Variants in CDK14 observed in about 807,000 individuals in gnomAD.
CDK14 encodes the protein cyclin dependent kinase 14, also known as cyclin-dependent kinase 14.
Under a neutral mutation model 60.7 loss-of-function variants are expected in CDK14, and 34 were observed. The ratio of observed to expected loss-of-function variants is 0.56; its 90% CI spans 0.43 to 0.75. CDK14 has a LOEUF of 0.75. CDK14 is among the 30% of genes least tolerant of loss of function. The pLI, the probability that CDK14 is intolerant of heterozygous loss-of-function variation, is 0.00. For synonymous variants in CDK14, 197 were observed against 203.7 expected, an observed-to-expected ratio of 0.97 and a Z score of 0.28; for missense variants, 482 against 564.1, an observed-to-expected ratio of 0.85 and a Z score of 1.47.
At chr7:90,781,823 T>C (rs1453706345) in intron 4 of CDK14, among the ~76,000 whole-genome samples, 1 of 152,174 alleles carries the variant, frequency 6.6e-6, no homozygotes, top group Non-Finnish European at 1.5e-5. Flanking sequence ...ACTGTAGCCT[T>C]GTAGTGTAGT....
chr7:90,815,294 C>T (rs1259869985), intron 5 of CDK14, among the ~76,000 whole-genome samples: 2 of 151,962 alleles, frequency 1.3e-5, no homozygotes, highest in African/African-American at 4.8e-5. Context: ...TGAAAATGGC[C>T]ATATCAACAA....
In CDK14 at chr7:90,622,605, A is replaced by T. The variant is rs564509603; in HGVS notation, c.123+18356A>T. 1.4e-3 allele frequency among the ~76,000 whole-genome samples: 220 copies of T among 152,322 alleles called. 3 individuals are homozygous for T. The South Asian group carries it at 0.027, about 19-fold the overall frequency. ...AGCATTTGAGATTGCACATTAGTGC[A>T]TTGGATTTTTATCTGGGGTGGTCCC... On this transcript the variant is annotated intron_variant, in intron 2 of 14. Coordinates refer to ENST00000380050, the MANE Select transcript of CDK14 (RefSeq NM_001287135.2).
intron 8 of CDK14, among the ~76,000 whole-genome samples, chr7:90,919,525 A>G (rs1253945362): frequency 2.6e-5 from 4 of 152,214 alleles, no homozygotes; most frequent in Admixed American, 6.5e-5. Context: ...TACAAAGTAT[A>G]AACAACTCAG....
chr7:90,981,128 G>T (rs1292133814), intron 9 of CDK14, among the ~76,000 whole-genome samples: 2 of 152,120 alleles, frequency 1.3e-5, no homozygotes, highest in Admixed American at 6.6e-5. Flanking sequence ...AAGATCCAAG[G>T]TATTTTATTG....
chr7:90,621,651 T>TC (rs1799769741), intron 2 of CDK14, among the ~76,000 whole-genome samples: 1 of 139,658 alleles, frequency 7.2e-6, no homozygotes, highest in Non-Finnish European at 1.6e-5. Context: ...CTTCCTTCCT[T>TC]CCTTCCTTCC....
chr7:90,636,983 C>G (rs1800168602), intron 2 of CDK14, among the ~76,000 whole-genome samples: 1 of 151,070 alleles, frequency 6.6e-6, no homozygotes, highest in East Asian at 2.0e-4. Flanking sequence ...TGGTGATATC[C>G]CCTTTATCAT....
chr7:90,606,878 C>T (rs183741520), intron 2 of CDK14, among the ~76,000 whole-genome samples: 4 of 152,320 alleles, frequency 2.6e-5, no homozygotes, highest in Admixed American at 6.5e-5. Flanking sequence ...TAACTTACCC[C>T]GGCCATGACA....
In CDK14 at chr7:90,757,242, G is replaced by GTA. The variant is rs1224213919; in HGVS notation, c.464+9468_464+9469insAT. Among the ~76,000 whole-genome samples the GTA allele has an allele frequency of 5.9e-5, 8 of 136,170 alleles. 1 individual carries two copies. Among genetic ancestry groups the GTA allele is most frequent in the Admixed American group, 1.7e-4 (2 of 11,982 alleles). 89.3% of individuals were successfully genotyped at this position (136,170 alleles called of 152,430 possible). A position where few individuals can be genotyped will look rare whatever the true frequency, so the allele number is the denominator to read the frequency against. On this transcript the variant is annotated intron_variant, in intron 4 of 14. Coordinates refer to ENST00000380050, the MANE Select transcript of CDK14 (RefSeq NM_001287135.2). The stretch of plus-strand genomic sequence containing the variant: ...TGTGTGTGTGTGTGTGTGTGTGTGT[G>GTA]TGTGTGTGTCTGTGTGTGTCTGTGT...
At chr7:90,778,403 A>G (rs958539982) in intron 4 of CDK14, among the ~76,000 whole-genome samples, 2 of 152,162 alleles carry the variant, frequency 1.3e-5, no homozygotes, top group African/African-American at 4.8e-5. Flanking sequence ...TCTTACCAGT[A>G]CCCTGGTGAG....
chr7:91,060,576 C>A (rs1461389325), intron 11 of CDK14, among the ~76,000 whole-genome samples: 1 of 152,136 alleles, frequency 6.6e-6, no homozygotes, highest in Non-Finnish European at 1.5e-5. Flanking sequence ...CCTTCAGGAG[C>A]TCTTTTAGGG....
In CDK14 at chr7:90,790,427, G is replaced by A. The variant is rs554147823; in HGVS notation, c.465-146G>A. ...TGATGATGATACAGAATTCCCAGCC[G>A]AAACCTTGCTTTGGTGGTATAATTG... On this transcript the variant is annotated intron_variant, in intron 4 of 14. Coordinates refer to ENST00000380050, the MANE Select transcript of CDK14 (RefSeq NM_001287135.2). 3.9e-5 allele frequency: 20 copies of A among 509,212 alleles called. 1 individual carries two copies. Among genetic ancestry groups the A allele is most frequent in the African/African-American group, 2.9e-4 (15 of 51,638 alleles). 31.5% of individuals were successfully genotyped at this position (509,212 alleles called of 1,614,324 possible).
intron 5 of CDK14, among the ~76,000 whole-genome samples, chr7:90,859,373 G>T (rs1392231572): frequency 6.6e-6 from 1 of 152,194 alleles, no homozygotes; most frequent in Non-Finnish European, 1.5e-5. Flanking sequence ...CTTCGTGGAG[G>T]TAATACTGAC....
At chr7:90,947,302 G>C (rs752064220) in intron 8 of CDK14, among the ~76,000 whole-genome samples, 1 of 152,126 alleles carries the variant, frequency 6.6e-6, no homozygotes, top group Non-Finnish European at 1.5e-5. Context: ...CTTTGGATCT[G>C]CTGGTCTAGG....
intron 8 of CDK14, among the ~76,000 whole-genome samples, chr7:90,919,995 T>A (rs1257747248): frequency 6.6e-6 from 1 of 152,260 alleles, no homozygotes; most frequent in African/African-American, 2.4e-5. Context: ...GCAGTTGGCA[T>A]GCATCCTGTG....
chr7:90,957,585 G>A (rs1794468580), intron 9 of CDK14, among the ~76,000 whole-genome samples: 1 of 152,102 alleles, frequency 6.6e-6, no homozygotes, highest in Non-Finnish European at 1.5e-5. Flanking sequence ...CAAATCATGA[G>A]TGAACTCCCG....
rs527585946 is a variant in CDK14, at chr7:91,129,394, T to C, written c.*28+11186T>C. Among the ~76,000 whole-genome samples, 122 of 152,328 alleles carry C rather than the reference T, an allele frequency of 8.0e-4. 3 individuals carry two copies. In the South Asian group the frequency reaches 0.025, roughly 31 times the overall value. On this transcript the variant is annotated intron_variant, in intron 14 of 14. Transcript: ENST00000380050. ...TTCTTGATGAGGAAGTTAAAAGTATTGATTTTATTAAACCTCTACTTTTAG... is the reference window on the plus strand; with the variant it reads ...TTCTTGATGAGGAAGTTAAAAGTATCGATTTTATTAAACCTCTACTTTTAG...
chr7:91,202,200 A>C (rs1026617373), intron 14 of CDK14, among the ~76,000 whole-genome samples: 1 of 152,236 alleles, frequency 6.6e-6, no homozygotes, highest in Non-Finnish European at 1.5e-5. Context: ...GGGTCAGAAC[A>C]AAGTTGCATT....
At chr7:90,994,501 A>G (rs773489246) in intron 10 of CDK14, among the ~76,000 whole-genome samples, 17 of 152,242 alleles carry the variant, frequency 1.1e-4, no homozygotes, top group Non-Finnish European at 2.2e-4. Context: ...AAGAATGTCA[A>G]GAACGCTGGG....
At chr7:91,105,768 A>G (rs1799275550) in intron 12 of CDK14, among the ~76,000 whole-genome samples, 2 of 152,212 alleles carry the variant, frequency 1.3e-5, no homozygotes, top group Non-Finnish European at 2.9e-5. Context: ...ATTGGGAGTT[A>G]TCAGACATAC....
Sources: gnomAD v4.1 joint callset for allele counts (sites outside exome capture counted in the v4.1 genomes callset) on GRCh38, gnomAD v4.1.1 for gene constraint, MANE v1.5 for transcripts, NCBI Gene and HGNC (gene_info 2026-07-23, HGNC 2026-07-21) for gene names.